Variants in CDH18 observed in about 807,000 individuals in gnomAD.
CDH18 encodes cadherin 18, also known as cadherin-18.
CDH18 carries 31 observed loss-of-function variants against 67.9 expected under a neutral mutation model. That is an observed-to-expected ratio of 0.46 (90% CI 0.34 to 0.62). The LOEUF (loss-of-function observed/expected upper bound fraction) is 0.62. CDH18 is among the 20% of genes least tolerant of loss of function. The pLI is 0.01. For missense variants in CDH18, 890 were observed against 975.5 expected, an observed-to-expected ratio of 0.91 and a Z score of 1.17; for synonymous variants, 362 against 347.2, an observed-to-expected ratio of 1.04 and a Z score of -0.48.
intron 3 of CDH18, among the ~76,000 whole-genome samples, chr5:19,821,371 C>T (rs561034071): frequency 6.0e-5 from 9 of 149,938 alleles, no homozygotes; most frequent in Admixed American, 1.3e-4. Context: ...GAGACTGGTC[C>T]TTCAAATCAA....
At chr5:19,816,097 T>C (rs531475795) in intron 3 of CDH18, among the ~76,000 whole-genome samples, 2 of 152,082 alleles carry the variant, frequency 1.3e-5, no homozygotes, top group Admixed American at 1.3e-4. Context: ...TTAACTTTTA[T>C]TAATGAACTA....
intron 5 of CDH18, among the ~76,000 whole-genome samples, chr5:19,714,009 A>G (rs1018318446): frequency 1.3e-5 from 2 of 152,164 alleles, no homozygotes; most frequent in Non-Finnish European, 2.9e-5. Flanking sequence ...GGTCCCAGGT[A>G]TCAGTTAGTG....
At chr5:20,477,294 C>T (rs6881276) in intron 1 of CDH18, among the ~76,000 whole-genome samples, 14,770 of 152,132 alleles carry the variant, frequency 0.097, 2,281 homozygotes, top group African/African-American at 0.33. Context: ...TCTAAACAAC[C>T]AACCACACAA....
chr5:20,536,265 T>A (rs1251371500), intron 1 of CDH18, among the ~76,000 whole-genome samples: 1 of 152,038 alleles, frequency 6.6e-6, no homozygotes, highest in Non-Finnish European at 1.5e-5. Context: ...TAAAATCTAG[T>A]TTATTGAGTA....
At chr5:20,080,072 A>C (rs1212630729) in intron 2 of CDH18, among the ~76,000 whole-genome samples, 2 of 152,144 alleles carry the variant, frequency 1.3e-5, no homozygotes, top group African/African-American at 4.8e-5. Context: ...GGGGGAACGC[A>C]AATATTCAGT....
At chr5:20,158,561 A>T (rs1751733548) in intron 2 of CDH18, 1 of 153,186 alleles carries the variant, frequency 6.5e-6, no homozygotes, top group African/African-American at 2.4e-5. Context: ...TTTTTAGTAA[A>T]TGTTTTCATA....
intron 2 of CDH18, among the ~76,000 whole-genome samples, chr5:20,110,568 G>A (rs1055319711): frequency 4.6e-5 from 7 of 152,010 alleles, no homozygotes; most frequent in East Asian, 1.9e-4. Flanking sequence ...CCAGTAATCC[G>A]AGCTACTTGT....
intron 3 of CDH18, among the ~76,000 whole-genome samples, chr5:19,768,193 C>T (rs553588671): frequency 2.1e-4 from 32 of 152,196 alleles, no homozygotes; most frequent in South Asian, 1.0e-3. Context: ...CAGAATTTAC[C>T]TAATGCAAAT....
Position 19,755,427 on chromosome 5 carries a change from G to GTATATATATATATATATATATATA in CDH18, c.229-8192_229-8191insTATATATATATATATATATATATA, listed in dbSNP as rs1373982305. ...TCTCTAGAGGGACAGAACTAACAGG[G>GTATATATATATATATATATATATA]TATGTATATATATATATATATATAT... On this transcript the variant is annotated intron_variant, in intron 3 of 12. Coordinates refer to ENST00000382275, the MANE Select transcript of CDH18 (RefSeq NM_004934.5). Among the ~76,000 whole-genome samples, 7 of 44,672 alleles carry GTATATATATATATATATATATATA rather than the reference G, an allele frequency of 1.6e-4. 1 individual carries two copies. Among genetic ancestry groups the GTATATATATATATATATATATATA allele is most frequent in the Admixed American group, 3.5e-4 (1 of 2,870 alleles). 29.3% of individuals were successfully genotyped at this position (44,672 alleles called of 152,430 possible).
intron 2 of CDH18, among the ~76,000 whole-genome samples, chr5:20,234,963 G>A (rs1742359789): frequency 6.6e-6 from 1 of 151,812 alleles, no homozygotes; most frequent in South Asian, 2.1e-4. Context: ...TTGCAAGGGC[G>A]GTATCCAATC....
At chr5:19,699,438 ATGTT>A (rs1382645765) in intron 5 of CDH18, among the ~76,000 whole-genome samples, 1 of 152,164 alleles carries the variant, frequency 6.6e-6, no homozygotes, top group Non-Finnish European at 1.5e-5. Flanking sequence ...TATGGACTGA[ATGTT>A]TGTTTCCCCA....
At position 19,471,974 on chromosome 5, in the gene CDH18, T is replaced by C. The variant is rs1265895171; in HGVS notation, c.*1252A>G. On this transcript the variant is annotated 3_prime_UTR_variant, in exon 13 of 13. Transcript: ENST00000382275. ...CAACCCTGTGAGGTGGGCAGGGAAGTCATTGCCATCTCTACTTTGTGGTTT... is the reference window on the plus strand; with the variant it reads ...CAACCCTGTGAGGTGGGCAGGGAAGCCATTGCCATCTCTACTTTGTGGTTT... 6.6e-6 allele frequency among the ~76,000 whole-genome samples: 1 copy of C among 152,166 alleles called. No individual in the cohort carries two copies. The highest frequency in any genetic ancestry group is 1.5e-5 in the Non-Finnish European group (1 of 68,030).
chr5:19,498,624 C>G (rs1181437066), intron 11 of CDH18, among the ~76,000 whole-genome samples: 1 of 152,064 alleles, frequency 6.6e-6, no homozygotes, highest in African/African-American at 2.4e-5. Flanking sequence ...TTTAAAGAAA[C>G]AAAAACTGAG....
chr5:19,575,720 G>T (rs1355619979), intron 7 of CDH18, among the ~76,000 whole-genome samples: 1 of 152,110 alleles, frequency 6.6e-6, no homozygotes, highest in Non-Finnish European at 1.5e-5. Flanking sequence ...CCACAAACAG[G>T]TTGGGTTGTA....
chr5:20,399,724 GAATA>G (rs1433797502), intron 1 of CDH18, among the ~76,000 whole-genome samples: 5 of 152,154 alleles, frequency 3.3e-5, no homozygotes, highest in Admixed American at 2.0e-4. Flanking sequence ...TAGTAGCTGT[GAATA>G]AATAAGCCCT....
At chr5:19,480,550 T>C (rs1342831444) in intron 12 of CDH18, among the ~76,000 whole-genome samples, 1 of 151,682 alleles carries the variant, frequency 6.6e-6, no homozygotes, top group Non-Finnish European at 1.5e-5. Context: ...ACTAATTTTT[T>C]GTGTTTTTAG....
intron 1 of CDH18, among the ~76,000 whole-genome samples, chr5:20,413,903 A>G (rs1404240881): frequency 6.6e-6 from 1 of 152,156 alleles, no homozygotes; most frequent in Non-Finnish European, 1.5e-5. Context: ...TGTAACCTGA[A>G]TGGTATTGCC....
At chr5:20,041,324 G>A (rs1740405572) in intron 2 of CDH18, among the ~76,000 whole-genome samples, 2 of 152,096 alleles carry the variant, frequency 1.3e-5, no homozygotes, top group African/African-American at 4.8e-5. Flanking sequence ...ATATTTGCCA[G>A]TCTTTTCATT....
intron 2 of CDH18, among the ~76,000 whole-genome samples, chr5:19,969,490 T>G (rs1320389221): frequency 1.3e-5 from 2 of 149,764 alleles, no homozygotes; most frequent in Admixed American, 6.6e-5. Flanking sequence ...GTGGCACATA[T>G]ACACCATGGA....
Sources: gnomAD v4.1 joint callset for allele counts (sites outside exome capture counted in the v4.1 genomes callset) on GRCh38, gnomAD v4.1.1 for gene constraint, MANE v1.5 for transcripts, NCBI Gene and HGNC (gene_info 2026-07-23, HGNC 2026-07-21) for gene names.